The following AKAP6 variants were observed in gnomAD, a reference collection of about 807,000 sequenced individuals.
AKAP6 encodes A-kinase anchor protein 6.
AKAP6 carries 58 observed loss-of-function variants against 188.5 expected under a neutral mutation model. The ratio of observed to expected loss-of-function variants is 0.31; its 90% confidence interval spans 0.25 to 0.38. The LOEUF (loss-of-function observed/expected upper bound fraction) is 0.38. Among genes scored for constraint, AKAP6 ranks in the 10% least tolerant of loss-of-function variants. AKAP6 has a pLI of 1.00. For missense variants in AKAP6, 2,710 were observed against 2,740.0 expected (o/e 0.99, Z 0.24); for synonymous variants, 989 against 998.6 (o/e 0.99, Z 0.18).
At chr14:32,712,831 A>C (rs1244128661) in intron 9 of AKAP6, among the ~76,000 whole-genome samples, 1 of 152,024 alleles carries the variant, frequency 6.6e-6, no homozygotes, top group Non-Finnish European at 1.5e-5. Flanking sequence ...GGTTGGAATC[A>C]ACTTCTTCCA....
intron 12 of AKAP6, among the ~76,000 whole-genome samples, chr14:32,811,118 T>A (rs912319280): frequency 6.6e-6 from 1 of 151,714 alleles, no homozygotes; most frequent in Non-Finnish European, 1.5e-5. Flanking sequence ...GGGCGCCTGT[T>A]GTCCCAGCTA....
chr14:32,483,592 C>T (rs8005434), intron 2 of AKAP6, among the ~76,000 whole-genome samples: 7,277 of 152,210 alleles, frequency 0.048, 571 homozygotes, highest in African/African-American at 0.16. Flanking sequence ...TCAAGCAATT[C>T]TCCTGCCTCA....
intron 7 of AKAP6, among the ~76,000 whole-genome samples, chr14:32,659,886 C>T (rs907734424): frequency 1.4e-4 from 22 of 152,008 alleles, no homozygotes; most frequent in African/African-American, 5.3e-4. Context: ...CTTCATTCAG[C>T]TGTAGAGAAT....
At chr14:32,497,587 A>G (rs1320927300) in intron 2 of AKAP6, among the ~76,000 whole-genome samples, 1 of 152,108 alleles carries the variant, frequency 6.6e-6, no homozygotes, top group Non-Finnish European at 1.5e-5. Context: ...AAAAGAAAGT[A>G]TTCTACTGTT....
chr14:32,419,026 T>G (rs77728742), intron 1 of AKAP6, among the ~76,000 whole-genome samples: 7,703 of 152,278 alleles, frequency 0.051, 238 homozygotes, highest in East Asian at 0.084. Context: ...TCATACTTTA[T>G]CAAGCATTCA....
Position 32,824,527 on chromosome 14 carries a change from T to G in AKAP6, c.6714T>G (p.Cys2238Trp), listed in dbSNP as rs199687016. 2 of 1,613,868 alleles carry G rather than the reference T, an allele frequency of 1.2e-6. No homozygotes were observed. Among genetic ancestry groups the G allele is most frequent in the Non-Finnish European group, 8.5e-7 (1 of 1,179,942 alleles). ...VNGLPQTSSG[C>W]AENLEFTPSK... ...GTTTGCCCCAAACTTCCAGTGGCTGTGCAGAAAACTTAGAGTTTACTCCTT... is the reference window on the plus strand; with the variant it reads ...GTTTGCCCCAAACTTCCAGTGGCTGGGCAGAAAACTTAGAGTTTACTCCTT... Residue 2238 changes from cysteine to tryptophan, a missense_variant, in exon 13 of 14, where the codon TGT becomes TGG. Around this residue, in one of 2 missense-constraint regions of AKAP6, gnomAD observed 2,473 missense variants for 2,426.1 expected, o/e 1.02. Transcript: ENST00000280979.
At position 32,633,429 on chromosome 14, in the gene AKAP6, T is replaced by C. The variant is rs77913732; in HGVS notation, c.2730+32637T>C. Among the ~76,000 whole-genome samples the C allele has an allele frequency of 3.2e-3, 492 of 152,156 alleles. 2 individuals carry two copies. Among genetic ancestry groups the C allele is most frequent in the African/African-American group, 0.011 (446 of 41,534 alleles). ...TTGTTGTTCCCATGATTCACTCCCC[T>C]TTTCTGTAAGAGGATTATACACCCC... On this transcript the variant is annotated intron_variant, in intron 7 of 13. Coordinates refer to ENST00000280979, the MANE Select transcript of AKAP6 (RefSeq NM_004274.5).
At chr14:32,346,144 C>T (rs140594029) in intron 1 of AKAP6, among the ~76,000 whole-genome samples, 1 of 152,304 alleles carries the variant, frequency 6.6e-6, no homozygotes, top group African/African-American at 2.4e-5. Context: ...TGGGAGGGGC[C>T]TGGCAGTGCC....
intron 7 of AKAP6, among the ~76,000 whole-genome samples, chr14:32,654,677 T>G (rs970335023): frequency 4.8e-5 from 7 of 144,728 alleles, no homozygotes; most frequent in African/African-American, 7.9e-5. Flanking sequence ...AGACCTTGTC[T>G]CTACTGAAAA....
chr14:32,577,748 A>G (rs1566585370), intron 5 of AKAP6, among the ~76,000 whole-genome samples: 2 of 152,112 alleles, frequency 1.3e-5, no homozygotes, highest in Non-Finnish European at 2.9e-5. Context: ...AATTAATACA[A>G]CTGTCATTAC....
intron 4 of AKAP6, among the ~76,000 whole-genome samples, chr14:32,557,722 A>C: frequency 6.6e-6 from 1 of 152,156 alleles, no homozygotes; most frequent in East Asian, 1.9e-4. Context: ...TCCATTTTGC[A>C]TGTGCCTTTC....
intron 1 of AKAP6, among the ~76,000 whole-genome samples, chr14:32,400,950 C>T (rs560132434): frequency 6.9e-4 from 105 of 152,234 alleles, no homozygotes; most frequent in Middle Eastern, 6.8e-3. Context: ...TAGGAATGGG[C>T]ATACGATCTA....
intron 1 of AKAP6, among the ~76,000 whole-genome samples, chr14:32,393,815 A>G (rs886163207): frequency 5.9e-5 from 9 of 152,154 alleles, no homozygotes; most frequent in African/African-American, 2.2e-4. Flanking sequence ...CTTTTTCTAA[A>G]GAGATACATA....
At chr14:32,471,913 A>T (rs1164165752) in intron 2 of AKAP6, among the ~76,000 whole-genome samples, 2 of 152,222 alleles carry the variant, frequency 1.3e-5, no homozygotes, top group Non-Finnish European at 2.9e-5. Flanking sequence ...AATTGTGAGT[A>T]AACCAAGAAA....
chr14:32,394,847 C>A (rs990218381), intron 1 of AKAP6, among the ~76,000 whole-genome samples: 1 of 152,094 alleles, frequency 6.6e-6, no homozygotes, highest in African/African-American at 2.4e-5. Flanking sequence ...ATATATTTGC[C>A]ATTCTTAGAA....
At chr14:32,365,736 C>T (rs947649380) in intron 1 of AKAP6, among the ~76,000 whole-genome samples, 3 of 152,140 alleles carry the variant, frequency 2.0e-5, no homozygotes, top group African/African-American at 7.2e-5. Context: ...GCCTCAAACC[C>T]CTCCCCATTA....
intron 7 of AKAP6, among the ~76,000 whole-genome samples, chr14:32,675,961 G>A (rs535901440): frequency 3.9e-5 from 6 of 152,238 alleles, no homozygotes; most frequent in South Asian, 4.1e-4. Context: ...GACTTCTCTC[G>A]TTAGGATTGT....
chr14:32,666,649 T>G (rs1888950057), intron 7 of AKAP6, among the ~76,000 whole-genome samples: 1 of 152,232 alleles, frequency 6.6e-6, no homozygotes, highest in South Asian at 2.1e-4. Flanking sequence ...TCATTTTTAT[T>G]TAATTTATAA....
chr14:32,429,263 G>T (rs188685771), intron 1 of AKAP6, among the ~76,000 whole-genome samples: 1 of 152,134 alleles, frequency 6.6e-6, no homozygotes, highest in African/African-American at 2.4e-5. Context: ...TTGTAAACAA[G>T]AATTCAAATC....
Sources: gnomAD v4.1 joint callset for allele counts (sites outside exome capture counted in the v4.1 genomes callset) on GRCh38, gnomAD v4.1.1 for gene constraint, gnomAD v4.1.1 regional missense constraint, MANE v1.5 for transcripts, NCBI Gene and HGNC (gene_info 2026-07-23, HGNC 2026-07-21) for gene names.